The following ANKRD11 variants were observed in gnomAD, a reference collection of about 807,000 sequenced individuals.
The protein encoded by ANKRD11 is ankyrin repeat domain 11, also known as ankyrin repeat domain-containing protein 11.
A neutral mutation model predicts 195.7 loss-of-function variants in ANKRD11; 17 were observed. The ratio of observed to expected loss-of-function variants is 0.09; its 90% confidence interval spans 0.06 to 0.13. ANKRD11 has a LOEUF of 0.13. ANKRD11 is among the 10% of genes least tolerant of loss of function. ANKRD11 has a pLI of 1.00. For missense variants in ANKRD11, 3,735 were observed against 3,566.1 expected, an observed-to-expected ratio of 1.05 and a Z score of -1.21; for synonymous variants, 1,953 against 1,528.1, an observed-to-expected ratio of 1.28 and a Z score of -6.49.
intron 1 of ANKRD11, among the ~76,000 whole-genome samples, chr16:89,483,435 G>A (rs905930867): frequency 6.6e-6 from 1 of 152,210 alleles, no homozygotes; most frequent in Non-Finnish European, 1.5e-5. Flanking sequence ...TACCTGAACT[G>A]TAAGTGCAAG....
At chr16:89,269,018 A>C (rs1032098943) in intron 12 of ANKRD11, among the ~76,000 whole-genome samples, 1 of 152,188 alleles carries the variant, frequency 6.6e-6, no homozygotes, top group African/African-American at 2.4e-5. Flanking sequence ...ACAATTACTT[A>C]CGGCCAGTGA....
At chr16:89,485,141 C>G (rs1482825251) in intron 1 of ANKRD11, among the ~76,000 whole-genome samples, 1 of 152,124 alleles carries the variant, frequency 6.6e-6, no homozygotes, top group East Asian at 1.9e-4. Context: ...CTTTTATTTT[C>G]ACACTGAAAA....
chr16:89,406,039 G>A (rs547304331), intron 2 of ANKRD11, among the ~76,000 whole-genome samples: 1 of 151,328 alleles, frequency 6.6e-6, no homozygotes, highest in South Asian at 2.1e-4. Flanking sequence ...GAACCCCGAA[G>A]GCAGAGGCTG....
chr16:89,294,229 A>G (rs2035265585), intron 4 of ANKRD11, among the ~76,000 whole-genome samples: 1 of 152,156 alleles, frequency 6.6e-6, no homozygotes, highest in Non-Finnish European at 1.5e-5. Flanking sequence ...GCTCCCAGCA[A>G]TTCGCATGGA....
At chr16:89,487,008 C>CA (rs11384395) in intron 1 of ANKRD11, among the ~76,000 whole-genome samples, 66,148 of 126,260 alleles carry the variant, frequency 0.52, 15,706 homozygotes, top group East Asian at 0.69. Context: ...GACTCCGTCT[C>CA]AAAAAAAAAA....
chr16:89,417,516 G>A (rs756857861), intron 2 of ANKRD11, among the ~76,000 whole-genome samples: 1 of 152,070 alleles, frequency 6.6e-6, no homozygotes, highest in African/African-American at 2.4e-5. Context: ...GACTGCTGCC[G>A]CTCCTCTCAA....
chr16:89,482,413 A>C (rs868064693), intron 1 of ANKRD11, among the ~76,000 whole-genome samples: 8 of 152,200 alleles, frequency 5.3e-5, no homozygotes, highest in African/African-American at 1.9e-4. Flanking sequence ...GTTGCAGACG[A>C]GATTAAGGAG....
chr16:89,440,633 G>A (rs2043408979), intron 1 of ANKRD11, among the ~76,000 whole-genome samples: 1 of 152,012 alleles, frequency 6.6e-6, no homozygotes, highest in South Asian at 2.1e-4. Flanking sequence ...GGGAGGAGGA[G>A]GTAAGAGGGA....
chr16:89,383,048 C>T (rs2040732131), intron 2 of ANKRD11, among the ~76,000 whole-genome samples: 1 of 152,146 alleles, frequency 6.6e-6, no homozygotes, highest in African/African-American at 2.4e-5. Context: ...TCAATTATGC[C>T]ATGTCATATA....
chr16:89,410,531 C>T lies in ANKRD11; in HGVS notation c.-60+7753G>A, dbSNP rs375708059. 7.6e-4 allele frequency among the ~76,000 whole-genome samples: 115 copies of T among 152,258 alleles called. 1 individual carries two copies. The South Asian group carries it at 0.021, about 28-fold the overall frequency. On this transcript the variant is annotated intron_variant, in intron 2 of 12. Transcript: ENST00000301030. ...GCCACGGAAGGGAAACACCTGCCCC[C>T]GGGCTACAAAGGCCACCCTCTGCCC...
At chr16:89,417,090 T>A (rs993325735) in intron 2 of ANKRD11, among the ~76,000 whole-genome samples, 3 of 152,200 alleles carry the variant, frequency 2.0e-5, no homozygotes, top group Non-Finnish European at 4.4e-5. Flanking sequence ...TTCAAGGATA[T>A]CTCAGATTCC....
chr16:89,315,412 C>G (rs1324441082), intron 3 of ANKRD11, among the ~76,000 whole-genome samples: 1 of 152,154 alleles, frequency 6.6e-6, no homozygotes, highest in African/African-American at 2.4e-5. Flanking sequence ...CCTGCCCTTG[C>G]GCCTTTCTGC....
At chr16:89,335,497 C>T (rs994016840) in intron 2 of ANKRD11, among the ~76,000 whole-genome samples, 1 of 152,226 alleles carries the variant, frequency 6.6e-6, no homozygotes, top group African/African-American at 2.4e-5. Flanking sequence ...GGCAGGTGCT[C>T]TCCCTCCTCT....
chr16:89,464,607 T>TAAAAAA (rs377695519), intron 1 of ANKRD11, among the ~76,000 whole-genome samples: 4 of 116,244 alleles, frequency 3.4e-5, no homozygotes, highest in East Asian at 2.3e-4. Flanking sequence ...GACTCCATCT[T>TAAAAAA]AAAAAAAAAA....
At chr16:89,377,245 C>T (rs923044119) in intron 2 of ANKRD11, among the ~76,000 whole-genome samples, 1 of 151,976 alleles carries the variant, frequency 6.6e-6, no homozygotes, top group Non-Finnish European at 1.5e-5. Context: ...ACACAGCATG[C>T]TATGGAAAGG....
chr16:89,314,158 G>C (rs754871254), intron 3 of ANKRD11, among the ~76,000 whole-genome samples: 1 of 151,872 alleles, frequency 6.6e-6, no homozygotes, highest in East Asian at 1.9e-4. Context: ...TGGGGCAGTG[G>C]GGCAGGGTGG....
At chr16:89,462,143 T>G (rs1185481636) in intron 1 of ANKRD11, among the ~76,000 whole-genome samples, 2 of 149,614 alleles carry the variant, frequency 1.3e-5, no homozygotes, top group East Asian at 4.1e-4. Context: ...GAAGCTGGAC[T>G]GTACTGCTGC....
At chr16:89,463,284 T>C (rs1321242112) in intron 1 of ANKRD11, among the ~76,000 whole-genome samples, 2 of 152,190 alleles carry the variant, frequency 1.3e-5, no homozygotes, top group Non-Finnish European at 2.9e-5. Context: ...CGTGTCTGTG[T>C]AGAAAGAAGT....
At chr16:89,458,884 G>A (rs2152329026) in intron 1 of ANKRD11, 1 of 152,438 alleles carries the variant, frequency 6.6e-6, no homozygotes, top group South Asian at 2.1e-4. Flanking sequence ...TGGTCCTGTG[G>A]TTCCTCAGGG....
Sources: allele counts gnomAD v4.1 joint callset (sites outside exome capture counted in the v4.1 genomes callset), GRCh38; gene constraint gnomAD v4.1.1; transcripts MANE v1.5; gene names NCBI Gene and HGNC (gene_info 2026-07-23, HGNC 2026-07-21).